Variants in KCNIP4 observed in about 807,000 individuals in gnomAD.
KCNIP4 encodes Kv channel-interacting protein 4.
Under a neutral mutation model 34.0 loss-of-function variants are expected in KCNIP4, and 12 were observed. That is an observed-to-expected ratio of 0.35 (90% CI 0.23 to 0.57). KCNIP4 has a LOEUF of 0.57. Among genes scored for constraint, KCNIP4 ranks in the 20% least tolerant of loss-of-function variants. The probability of loss-of-function intolerance (pLI) is 0.83; values close to 1 mark genes in which losing one functional copy is unlikely to be tolerated. For missense variants in KCNIP4, 238 were observed against 311.7 expected (o/e 0.76, Z 1.78); for synonymous variants, 124 against 102.2 (o/e 1.21, Z -1.29).
chr4:20,812,791 A>G (rs1715931158), intron 3 of KCNIP4, among the ~76,000 whole-genome samples: 1 of 152,120 alleles, frequency 6.6e-6, no homozygotes, highest in Admixed American at 6.5e-5. Context: ...TGAGGGAACC[A>G]TCTTGGAACC....
chr4:20,930,290 G>A (rs1730322861), intron 1 of KCNIP4, among the ~76,000 whole-genome samples: 1 of 151,966 alleles, frequency 6.6e-6, no homozygotes, highest in Non-Finnish European at 1.5e-5. Context: ...ATGATTCTGG[G>A]AAAATTGGAT....
At chr4:21,566,674 C>T (rs996656329) in intron 1 of KCNIP4, among the ~76,000 whole-genome samples, 1 of 152,060 alleles carries the variant, frequency 6.6e-6, no homozygotes, top group Non-Finnish European at 1.5e-5. Flanking sequence ...CAGACTAATA[C>T]ACTTATACAA....
chr4:21,743,781 G>T lies in KCNIP4; in HGVS notation c.61+204790C>A, dbSNP rs1415490599. ...TCACCACCAAGATAACAAGAGAGAAGATGCAAAGGTTATTTTCTGCAAATT... is the reference window on the plus strand; with the variant it reads ...TCACCACCAAGATAACAAGAGAGAATATGCAAAGGTTATTTTCTGCAAATT... On this transcript the variant is annotated intron_variant, in intron 1 of 8. Transcript: ENST00000382152. 4.7e-5 allele frequency among the ~76,000 whole-genome samples: 7 copies of T among 149,880 alleles called. No individual in the cohort carries two copies. In the East Asian group the frequency reaches 1.4e-3, roughly 29 times the overall value.
At chr4:21,384,804 G>C (rs1721868066) in intron 1 of KCNIP4, among the ~76,000 whole-genome samples, 1 of 152,204 alleles carries the variant, frequency 6.6e-6, no homozygotes, top group Non-Finnish European at 1.5e-5. Flanking sequence ...GAGATAGTTT[G>C]GGAGGTAATG....
chr4:21,628,478 G>A (rs1186837671), intron 1 of KCNIP4, among the ~76,000 whole-genome samples: 2 of 152,110 alleles, frequency 1.3e-5, no homozygotes, highest in Admixed American at 6.6e-5. Context: ...AAAATGAGCC[G>A]TGATGATCCC....
At chr4:20,850,434 T>A (rs976988021) in intron 3 of KCNIP4, 109 bp downstream of exon 3, 1 of 1,159,426 alleles carries the variant, frequency 8.6e-7, no homozygotes, top group Non-Finnish European at 1.2e-6. Flanking sequence ...GTATGAAATA[T>A]ACATATGATG....
chr4:21,228,993 T>C (rs1383906187), intron 1 of KCNIP4, among the ~76,000 whole-genome samples: 1 of 152,150 alleles, frequency 6.6e-6, no homozygotes, highest in Non-Finnish European at 1.5e-5. Context: ...TTTGATCTAA[T>C]TCTCACCTAA....
At chr4:20,801,412 T>C (rs1184448052) in intron 3 of KCNIP4, among the ~76,000 whole-genome samples, 1 of 152,116 alleles carries the variant, frequency 6.6e-6, no homozygotes, top group African/African-American at 2.4e-5. Context: ...ACTATAATGG[T>C]GGTATGTAAA....
rs550582619 is a variant in KCNIP4 at position 20,872,391 on chromosome 4, G to A, written c.163+10217C>T. 3.3e-5 allele frequency among the ~76,000 whole-genome samples: 5 copies of A among 152,216 alleles called. No homozygotes were observed. The South Asian group carries it at 1.0e-3, about 32-fold the overall frequency. The stretch of plus-strand genomic sequence containing the variant: ...ATATTACCATCAAGAATTGCTGCCT[G>A]TCACACTTGGTGCTTCAAAACCCTT... On this transcript the variant is annotated intron_variant, in intron 2 of 8. Coordinates refer to ENST00000382152, the MANE Select transcript of KCNIP4 (RefSeq NM_025221.6).
At chr4:21,801,115 C>G (rs184954690) in intron 1 of KCNIP4, among the ~76,000 whole-genome samples, 16 of 152,244 alleles carry the variant, frequency 1.1e-4, no homozygotes, top group Non-Finnish European at 1.9e-4. Flanking sequence ...AATGTGTTCC[C>G]TCGGATGATT....
chr4:21,614,590 T>C (rs887586260), intron 1 of KCNIP4, among the ~76,000 whole-genome samples: 2 of 148,330 alleles, frequency 1.3e-5, no homozygotes, highest in Admixed American at 1.4e-4. Flanking sequence ...TAAAATTACA[T>C]TACATTAAAA....
intron 1 of KCNIP4, among the ~76,000 whole-genome samples, chr4:21,094,108 A>G (rs1381941331): frequency 3.3e-5 from 5 of 152,170 alleles, no homozygotes; most frequent in African/African-American, 1.2e-4. Context: ...AGCTTATTAA[A>G]TAATTTAATT....
chr4:20,733,601 TAGACAC>T (rs1391394907), intron 6 of KCNIP4, among the ~76,000 whole-genome samples: 1 of 152,184 alleles, frequency 6.6e-6, no homozygotes, highest in Non-Finnish European at 1.5e-5. Flanking sequence ...AGTAGTTTGT[TAGACAC>T]AGGCAGAATT....
chr4:21,136,579 T>G (rs1751515177), intron 1 of KCNIP4, among the ~76,000 whole-genome samples: 1 of 152,098 alleles, frequency 6.6e-6, no homozygotes, highest in Non-Finnish European at 1.5e-5. Context: ...TGTCCTTTCC[T>G]CCATTCCTCC....
At chr4:20,847,321 C>T (rs1187583280) in intron 3 of KCNIP4, among the ~76,000 whole-genome samples, 3 of 152,118 alleles carry the variant, frequency 2.0e-5, no homozygotes, top group South Asian at 2.1e-4. Flanking sequence ...GATAACTGCA[C>T]AAAACCAGTG....
At chr4:20,783,496 G>A (rs1711525874) in intron 3 of KCNIP4, among the ~76,000 whole-genome samples, 1 of 152,180 alleles carries the variant, frequency 6.6e-6, no homozygotes, top group Non-Finnish European at 1.5e-5. Flanking sequence ...AAGAGAAAAT[G>A]AGGAAGATGC....
chr4:21,272,165 C>T (rs1337534933), intron 1 of KCNIP4, among the ~76,000 whole-genome samples: 2 of 152,054 alleles, frequency 1.3e-5, no homozygotes, highest in African/African-American at 4.8e-5. Context: ...TGGACATTTT[C>T]CTTAACCTCT....
intron 1 of KCNIP4, among the ~76,000 whole-genome samples, chr4:21,521,922 T>TA (rs200751934): frequency 0.015 from 2,049 of 139,990 alleles, 30 homozygotes; most frequent in East Asian, 0.041. Flanking sequence ...AGCATTGTAA[T>TA]AAAAAAAAAA....
intron 1 of KCNIP4, among the ~76,000 whole-genome samples, chr4:21,364,903 T>G (rs1268471422): frequency 3.3e-5 from 5 of 152,062 alleles, no homozygotes; most frequent in African/African-American, 1.2e-4. Flanking sequence ...GTCCTTTGCA[T>G]AAAGTCAGAA....
Sources: gnomAD v4.1 joint callset for allele counts (sites outside exome capture counted in the v4.1 genomes callset) on GRCh38, gnomAD v4.1.1 for gene constraint, MANE v1.5 for transcripts, NCBI Gene and HGNC (gene_info 2026-07-23, HGNC 2026-07-21) for gene names.